TNFAIP3: variants seen among roughly 807,000 people sequenced by gnomAD.
The protein encoded by TNFAIP3 is tumor necrosis factor alpha-induced protein 3.
Under a neutral mutation model 72.4 loss-of-function variants are expected in TNFAIP3, and 9 were observed. The ratio of observed to expected loss-of-function variants is 0.12; its 90% CI spans 0.07 to 0.22. The LOEUF (loss-of-function observed/expected upper bound fraction) is 0.22, where lower values mean the gene tolerates loss of function less well. TNFAIP3 is among the 10% of genes least tolerant of loss of function. The pLI, the probability that TNFAIP3 is intolerant of heterozygous loss-of-function variation, is 1.00. For missense variants in TNFAIP3, 833 were observed against 1,018.7 expected (o/e 0.82, Z 2.48); for synonymous variants, 339 against 372.6 (o/e 0.91, Z 1.04).
chr6:137,869,373 G>GGATA (rs1380009124), intron 1 of TNFAIP3, among the ~76,000 whole-genome samples: 3 of 134,850 alleles, frequency 2.2e-5, no homozygotes, highest in Admixed American at 1.6e-4. Context: ...ATGGATGGAT[G>GGATA]GATGGACGGA....
At position 137,877,071 on chromosome 6, in the gene TNFAIP3, C is replaced by T. The variant is rs1256503324; in HGVS notation, c.806-5C>T. On this transcript the variant is annotated splice_polypyrimidine_tract_variant and splice_region_variant and intron_variant, in intron 5 of 8. Coordinates refer to ENST00000612899, the MANE Select transcript of TNFAIP3 (RefSeq NM_001270508.2). ...GTTTTACTTATGTATTATTTTTTTC[C>T]TTAGAAATCCGAGCTGTTCCACTTG... 8 of 1,567,860 alleles carry T rather than the reference C, an allele frequency of 5.1e-6. No individual in the cohort carries two copies. The Admixed American group carries it at 5.8e-5, about 11-fold the overall frequency.
upstream of TNFAIP3, chr6:137,866,600 G>C (rs1477247989): frequency 6.6e-6 from 1 of 152,468 alleles, no homozygotes; most frequent in Non-Finnish European, 1.5e-5. Context: ...TGGGGCCACG[G>C]GGTCGGGTGT....
At chr6:137,875,156 G>A (rs1024913716) in intron 3 of TNFAIP3, 121 bp downstream of exon 3, 13 of 1,166,366 alleles carry the variant, frequency 1.1e-5, no homozygotes, top group East Asian at 2.4e-5. Flanking sequence ...TTGGCTAAGC[G>A]AAGCATACTC....
intron 1 of TNFAIP3, among the ~76,000 whole-genome samples, chr6:137,868,779 C>T (rs1775930601): frequency 6.6e-6 from 1 of 151,714 alleles, no homozygotes; most frequent in Non-Finnish European, 1.5e-5. Context: ...TAATCTTAAG[C>T]GTAGAGTGGT....
intron 1 of TNFAIP3, among the ~76,000 whole-genome samples, chr6:137,868,680 A>T (rs1219424503): frequency 7.0e-6 from 1 of 143,650 alleles, no homozygotes; most frequent in Non-Finnish European, 1.5e-5. Context: ...TTTAAATAAG[A>T]CAGTGAGGTA....
At chr6:137,867,016 T>C (rs1242163828), upstream of TNFAIP3, 1 of 131,412 alleles carries the variant, frequency 7.6e-6, no homozygotes, top group Non-Finnish European at 1.6e-5. This position sits in a 1 kb window ranked among gnomAD's most constrained non-coding sequence, Gnocchi z 6.0. Flanking sequence ...AGGGAGTTTC[T>C]CCGGGCGCCT....
chr6:137,868,031 C>G (rs1775902758), intron 1 of TNFAIP3: 1 of 153,466 alleles, frequency 6.5e-6, no homozygotes, highest in Non-Finnish European at 1.5e-5. Context: ...GTCCCAGAGA[C>G]AGCTTCCCAG....
At chr6:137,875,618 G>A in intron 3 of TNFAIP3, 70 bp from the exon 4 acceptor site, 3 of 1,544,760 alleles carry the variant, frequency 1.9e-6, no homozygotes, top group Non-Finnish European at 2.6e-6. Context: ...GTAGAGTGAT[G>A]TCAGAATGAC....
chr6:137,880,954 GAGATTTCATTGTGCTCTCCC>G lies in TNFAIP3; in HGVS notation c.2089-80_2089-61del. 2.0e-6 allele frequency: 3 copies of G among 1,466,728 alleles called. No homozygotes were observed. The South Asian group carries it at 4.0e-5, about 19-fold the overall frequency. 90.9% of individuals were successfully genotyped at this position (1,466,728 alleles called of 1,614,324 possible). On this transcript the variant is annotated intron_variant, in intron 8 of 8. Transcript: ENST00000612899. ...CTTTGTAGACTCCACACTCTCCAAT[GAGATTTCATTGTGCTCTCCC>G]TAAGAAATGTGAGCAATAGTTTCCT...
chr6:137,874,445 G>A (rs545065466), intron 2 of TNFAIP3, among the ~76,000 whole-genome samples: 3 of 152,166 alleles, frequency 2.0e-5, no homozygotes, highest in Non-Finnish European at 4.4e-5. Flanking sequence ...CAATGCCAGT[G>A]CCTTCACCAG....
intron 1 of TNFAIP3, among the ~76,000 whole-genome samples, chr6:137,870,373 T>G (rs1776018654): frequency 6.6e-6 from 1 of 152,208 alleles, no homozygotes; most frequent in Admixed American, 6.5e-5. Flanking sequence ...TCCTCCTCCC[T>G]CGACCTCCCA....
intron 7 of TNFAIP3, 49 bp from the exon 8 acceptor site, chr6:137,880,022 C>G (rs778136636): frequency 1.3e-6 from 2 of 1,556,296 alleles, no homozygotes; most frequent in Non-Finnish European, 8.8e-7. Context: ...ATCTCTGTAT[C>G]GGTGGGGTGA....
Position 137,881,063 on chromosome 6 carries a change from G to A in TNFAIP3, c.2117G>A (p.Arg706Gln), listed in dbSNP as rs3734553. Residue 706 changes from arginine (R) to glutamine (Q), a missense_variant, in exon 9 of 9, where the codon CGA becomes CAA. Physicochemically the swap from Arg to Gln is conservative, Grantham distance 43 (BLOSUM62 1). This residue lies in a region of TNFAIP3 where 587 missense variants were observed against 657.8 expected (regional missense o/e 0.89). Transcript: ENST00000612899. This position sits in a 1 kb window ranked among gnomAD's most constrained non-coding sequence, Gnocchi z 5.0. ...TCGAGCCAGCGCAGAGATGTGCCTC[G>A]AACCACACAAAGCACCTCAAGGCCC... ...LRSSQRRDVP[R>Q]TTQSTSRPKC... is the part of the protein sequence containing the mutation. The A allele has an allele frequency of 1.2e-5, 20 of 1,612,302 alleles. No individual in the cohort carries two copies. The East Asian group carries it at 1.6e-4, about 13-fold the overall frequency.
rs528956116 is a variant in TNFAIP3, at chr6:137,869,751, T to C, written c.-15-1462T>C. Among the ~76,000 whole-genome samples, 5 of 152,316 alleles carry C rather than the reference T, an allele frequency of 3.3e-5. No homozygotes were observed. In the South Asian group the frequency reaches 1.0e-3, roughly 32 times the overall value. ...TAAAATCTAGGTTTCTTCTCCTCCCTCTTCCATAGGTTTAACATTTTTATT... is the reference window on the plus strand; with the variant it reads ...TAAAATCTAGGTTTCTTCTCCTCCCCCTTCCATAGGTTTAACATTTTTATT... On this transcript the variant is annotated intron_variant, in intron 1 of 8. Transcript: ENST00000612899.
At chr6:137,872,069 C>T (rs115858405) in intron 2 of TNFAIP3, among the ~76,000 whole-genome samples, 6 of 152,226 alleles carry the variant, frequency 3.9e-5, no homozygotes, top group African/African-American at 1.4e-4. Flanking sequence ...TTGCCTATGC[C>T]CTGCAAGGTG....
chr6:137,875,073 C>T lies in TNFAIP3; in HGVS notation c.486+38C>T, dbSNP rs1776198302. ...CCCTAATTATCTACTAACAGAGCTC[C>T]ATGGTGGGCATAGGGTACCCCTGGG... On this transcript the variant is annotated intron_variant, in intron 3 of 8. Transcript: ENST00000612899. 5.0e-6 allele frequency: 8 copies of T among 1,610,454 alleles called. No homozygotes were observed. The East Asian group carries it at 1.8e-4, about 36-fold the overall frequency.
chr6:137,881,797 TGCAAGAA>T lies in TNFAIP3; in HGVS notation c.*481_*487del. 1 of 234,894 alleles carries T rather than the reference TGCAAGAA, an allele frequency of 4.3e-6. No homozygotes were observed. Among genetic ancestry groups the T allele is most frequent in the East Asian group, 6.0e-5 (1 of 16,712 alleles). 14.6% of individuals were successfully genotyped at this position (234,894 alleles called of 1,614,324 possible). On this transcript the variant is annotated 3_prime_UTR_variant, in exon 9 of 9. Transcript: ENST00000612899. This position sits in a 1 kb window ranked among gnomAD's most constrained non-coding sequence, Gnocchi z 5.0. ...AGATCCTCATGGCAGCGAGGCCCTCTGCAAGAAGCTCAAGGAAGCTCAGGGAAAATGG... is the reference window on the plus strand; with the variant it reads ...AGATCCTCATGGCAGCGAGGCCCTCTGCTCAAGGAAGCTCAGGGAAAATGG...
At position 137,877,171 on chromosome 6, in the gene TNFAIP3, A is replaced by G; in HGVS notation, c.901A>G (p.Lys301Glu). The G allele has an allele frequency of 1.2e-6, 2 of 1,614,094 alleles. No homozygotes were observed. The highest frequency in any genetic ancestry group is 1.7e-6 in the Non-Finnish European group (2 of 1,179,992). ...AGATCCTGAAAATGAGATGAAGGAG[A>G]AGCTCTTAAAAGAGTACTTAATGGT... The part of the protein sequence containing the change: ...LTDPENEMKE[K>E]LLKEYLMVIE... Residue 301 changes from lysine to glutamate, a missense_variant, in exon 6 of 9, where the codon AAG (lysine) becomes GAG (glutamate). Transcript: ENST00000612899.
At position 137,879,213 on chromosome 6, in the gene TNFAIP3, T is replaced by A; in HGVS notation, c.1768T>A (p.Cys590Ser). ...HRAGNDAPAG[C>S]LSQAARTPGD... Reference sequence around the variant, plus strand: ...AGCTGGAAACGACGCCCCTGCTGGCTGCCTGTCTCAAGCTGCACGGACTCC... The same window carrying A: ...AGCTGGAAACGACGCCCCTGCTGGCAGCCTGTCTCAAGCTGCACGGACTCC... The change falls in exon 7 of 9, where the codon TGC becomes AGC. Residue 590 changes from cysteine (C) to serine (S), a missense_variant. Transcript: ENST00000612899. The A allele has an allele frequency of 6.2e-7, 1 of 1,614,154 alleles. No individual in the cohort carries two copies. Among genetic ancestry groups the A allele is most frequent in the East Asian group, 2.2e-5 (1 of 44,876 alleles).
Sources: allele counts gnomAD v4.1 joint callset (sites outside exome capture counted in the v4.1 genomes callset), GRCh38; gene constraint gnomAD v4.1.1; regional missense constraint gnomAD v4.1.1; non-coding constraint Gnocchi (gnomAD v3.1); transcripts MANE v1.5; gene names NCBI Gene and HGNC (gene_info 2026-07-23, HGNC 2026-07-21).